TFRC: variants seen among roughly 807,000 people sequenced by gnomAD.
TFRC encodes the protein transferrin receptor protein 1.
A neutral mutation model predicts 85.8 loss-of-function variants in TFRC; 35 were observed. The observed-to-expected ratio is 0.41, with a 90% confidence interval of 0.31 to 0.54. The LOEUF is 0.54. Among genes scored for constraint, TFRC ranks in the 20% least tolerant of loss-of-function variants. The pLI is 0.31. For synonymous variants in TFRC, 362 were observed against 328.6 expected (o/e 1.10, Z -1.10); for missense variants, 828 against 921.5 (o/e 0.90, Z 1.31).
rs576973375 is a variant in TFRC, at chr3:196,054,929, G to A, written c.1899+151C>T. On this transcript the variant is annotated intron_variant, in intron 17 of 18. Coordinates refer to ENST00000360110, the MANE Select transcript of TFRC (RefSeq NM_001128148.3). ...CAGCCTCCCGACTTCTCTCAAACAA[G>A]TTACCAATTCTACATACAATTATAC... 3 of 793,374 alleles carry A rather than the reference G, an allele frequency of 3.8e-6. No individual in the cohort carries two copies. In the South Asian group the frequency reaches 5.0e-5, roughly 13 times the overall value. 49.1% of individuals were successfully genotyped at this position (793,374 alleles called of 1,614,324 possible).
chr3:196,075,146 T>G lies in TFRC; in HGVS notation c.238+13A>C. The G allele has an allele frequency of 6.2e-7, 1 of 1,612,378 alleles. No homozygotes were observed. Among genetic ancestry groups the G allele is most frequent in the Non-Finnish European group, 8.5e-7 (1 of 1,179,086 alleles). On this transcript the variant is annotated intron_variant, in intron 3 of 18. Coordinates refer to ENST00000360110, the MANE Select transcript of TFRC (RefSeq NM_001128148.3). The stretch of plus-strand genomic sequence containing the variant: ...TTATAGAAAACATTGAAGTTTGGAA[T>G]GGTCATTCTCACCAATCAAGAAAAA...
chr3:196,069,628 G>A (rs1164311467), intron 6 of TFRC, 60 bp from the exon 7 acceptor site: 7 of 1,068,274 alleles, frequency 6.6e-6, no homozygotes, highest in South Asian at 2.7e-5. Flanking sequence ...CTAAAATCTT[G>A]AGACAGAAGA....
At chr3:196,058,544 T>TA (rs769435657) in intron 15 of TFRC, 30 bp downstream of exon 15, 4 of 1,598,536 alleles carry the variant, frequency 2.5e-6, no homozygotes, top group Non-Finnish European at 3.4e-6. Context: ...GCTTTTCTAT[T>TA]AGTTTGTTCA....
chr3:196,058,471 G>T, intron 15 of TFRC, 103 bp downstream of exon 15: 1 of 1,462,158 alleles, frequency 6.8e-7, no homozygotes, highest in Non-Finnish European at 9.5e-7. Flanking sequence ...ATATCTTTAG[G>T]TGTAAGTAAG....
chr3:196,060,098 G>A (rs1362637128), intron 14 of TFRC, 82 bp downstream of exon 14: 9 of 1,071,924 alleles, frequency 8.4e-6, no homozygotes, highest in Admixed American at 2.4e-5. Flanking sequence ...TACTGACTAC[G>A]GTTTACATAT....
chr3:196,057,370 C>G (rs910667074), intron 16 of TFRC, among the ~76,000 whole-genome samples: 1 of 152,090 alleles, frequency 6.6e-6, no homozygotes, highest in Admixed American at 6.5e-5. Flanking sequence ...TGATCACGAC[C>G]CTCTCACGCA....
chr3:196,065,938 G>A (rs1577235895), intron 9 of TFRC, among the ~76,000 whole-genome samples: 1 of 151,078 alleles, frequency 6.6e-6, no homozygotes, highest in African/African-American at 2.4e-5. Flanking sequence ...GCAGTGAGCC[G>A]AGATCACGCC....
intron 14 of TFRC, among the ~76,000 whole-genome samples, chr3:196,059,595 CTTTTT>C (rs140600203): frequency 1.3e-5 from 2 of 151,752 alleles, no homozygotes; most frequent in Non-Finnish European, 2.9e-5. Context: ...CAAATATTTT[CTTTTT>C]TATTTATTTA....
chr3:196,067,786 C>G, intron 8 of TFRC, 129 bp from the exon 9 acceptor site: 1 of 1,072,664 alleles, frequency 9.3e-7, no homozygotes, highest in Non-Finnish European at 1.3e-6. Context: ...ATCTGAGTGG[C>G]TCTACAATGT....
At chr3:196,077,625 G>A (rs1172413661) in intron 1 of TFRC, among the ~76,000 whole-genome samples, 1 of 152,002 alleles carries the variant, frequency 6.6e-6, no homozygotes, top group Admixed American at 6.6e-5. Context: ...GGTGGTGGGC[G>A]CCTGTAATCC....
At chr3:196,074,772 AG>A (rs2108656554) in intron 3 of TFRC, among the ~76,000 whole-genome samples, 1 of 151,550 alleles carries the variant, frequency 6.6e-6, no homozygotes, top group African/African-American at 2.4e-5. Flanking sequence ...CCAGCTCCTC[AG>A]GAGGCTGAGG....
intron 13 of TFRC, among the ~76,000 whole-genome samples, chr3:196,061,214 T>C (rs1210334682): frequency 6.6e-6 from 1 of 152,212 alleles, no homozygotes; most frequent in Non-Finnish European, 1.5e-5. Flanking sequence ...CAAACTCTTC[T>C]AGAAGTTTCA....
chr3:196,079,626 A>G (rs762367782), intron 1 of TFRC, among the ~76,000 whole-genome samples: 2 of 152,156 alleles, frequency 1.3e-5, no homozygotes, highest in African/African-American at 2.4e-5. Context: ...AAAATAAATA[A>G]ATAAATAATA....
At chr3:196,077,215 TA>T (rs932463661) in intron 1 of TFRC, 93 bp from the exon 2 acceptor site, 3 of 815,820 alleles carry the variant, frequency 3.7e-6, no homozygotes, top group African/African-American at 3.4e-5. Flanking sequence ...ATTAAATTTT[TA>T]AAATACATTA....
chr3:196,068,746 C>T (rs980759888), intron 7 of TFRC, among the ~76,000 whole-genome samples: 6 of 150,550 alleles, frequency 4.0e-5, no homozygotes, highest in African/African-American at 1.5e-4. Context: ...AGGCCAACGT[C>T]GTGAAACCCT....
rs149825223 is a variant in TFRC at position 196,058,594 on chromosome 3, G to C, written c.1575C>G (p.Asp525Glu). The change falls in exon 15 of 19, where the codon GAC becomes GAG. Residue 525 changes from aspartate to glutamate, a missense_variant. Physicochemically the swap from Asp to Glu is conservative, Grantham distance 45 (BLOSUM62 2). Transcript: ENST00000360110. Reference protein sequence around the residue: ...HPVTGQFLYQDSNWASKVEKL... With the variant: ...HPVTGQFLYQESNWASKVEKL... ...CTTACACTTTGCTGGCCCAGTTGCT[G>C]TCCTGATATAGAAATTGCCCAGTAA... 8.8e-5 allele frequency: 142 copies of C among 1,611,236 alleles called. No individual in the cohort carries two copies. The highest frequency in any genetic ancestry group is 6.6e-4 in the Middle Eastern group (4 of 6,070).
intron 9 of TFRC, among the ~76,000 whole-genome samples, chr3:196,066,392 T>C (rs975281176): frequency 5.3e-5 from 8 of 151,278 alleles, no homozygotes; most frequent in African/African-American, 1.7e-4. Context: ...GAGGTGGAGG[T>C]TGCAGTGAGC....
intron 1 of TFRC, among the ~76,000 whole-genome samples, chr3:196,078,003 T>C (rs778810541): frequency 6.6e-6 from 1 of 152,166 alleles, no homozygotes; most frequent in Non-Finnish European, 1.5e-5. Context: ...AGGCTGAAAA[T>C]TGATAATCTA....
chr3:196,075,071 G>T, intron 3 of TFRC, 88 bp downstream of exon 3: 37 of 888,598 alleles, frequency 4.2e-5, no homozygotes, highest in Non-Finnish European at 5.6e-5. Flanking sequence ...AAAAAATAAG[G>T]TACAAAATAA....
Sources: gnomAD v4.1 joint callset for allele counts (sites outside exome capture counted in the v4.1 genomes callset) on GRCh38, gnomAD v4.1.1 for gene constraint, MANE v1.5 for transcripts, NCBI Gene and HGNC (gene_info 2026-07-23, HGNC 2026-07-21) for gene names.